CTIF: variants seen among roughly 807,000 people sequenced by gnomAD.
The protein encoded by CTIF is CBP80/20-dependent translation initiation factor.
CTIF carries 21 observed loss-of-function variants against 66.0 expected under a neutral mutation model. The ratio of observed to expected loss-of-function variants is 0.32; its 90% CI spans 0.23 to 0.46. The LOEUF (loss-of-function observed/expected upper bound fraction) is 0.46. Ranked by LOEUF, CTIF falls within the 20% of genes least tolerant of loss-of-function variation. The pLI is 1.00. For synonymous variants in CTIF, 345 were observed against 326.4 expected (o/e 1.06, Z -0.62); for missense variants, 739 against 812.7 (o/e 0.91, Z 1.10).
chr18:48,547,576 T>C (rs1262690902), intron 1 of CTIF, among the ~76,000 whole-genome samples: 1 of 152,196 alleles, frequency 6.6e-6, no homozygotes, highest in Middle Eastern at 3.2e-3. Context: ...CCTTCCCTTA[T>C]GTTATAGCTG....
intron 10 of CTIF, among the ~76,000 whole-genome samples, chr18:48,841,118 T>A (rs4939566): frequency 0.26 from 39,309 of 152,000 alleles, 5,280 homozygotes; most frequent in African/African-American, 0.32. Flanking sequence ...AAGTCTGAGG[T>A]TGGTAAAAGC....
At chr18:48,830,145 A>T (rs2146439608) in intron 10 of CTIF, among the ~76,000 whole-genome samples, 1 of 152,258 alleles carries the variant, frequency 6.6e-6, no homozygotes, top group African/African-American at 2.4e-5. Flanking sequence ...GCCCTTGGGT[A>T]GATGTGTTAA....
At chr18:48,732,720 C>T (rs1441489229) in intron 7 of CTIF, among the ~76,000 whole-genome samples, 1 of 152,240 alleles carries the variant, frequency 6.6e-6, no homozygotes, top group East Asian at 1.9e-4. Context: ...TGCCTCTCCT[C>T]CAGACAATAT....
Position 48,761,307 on chromosome 18 carries a change from G to A in CTIF, c.1072-83G>A, listed in dbSNP as rs1026241661. The stretch of plus-strand genomic sequence containing the variant: ...AGGCCTGGTCCTGCTTTCTGGGGGT[G>A]GCCACCCTCTTTCCACCAGGCCACC... On this transcript the variant is annotated intron_variant, in intron 8 of 11. Coordinates refer to ENST00000256413, the MANE Select transcript of CTIF (RefSeq NM_014772.3). This position sits in a 1 kb window ranked among gnomAD's most constrained non-coding sequence, Gnocchi z 4.2. The A allele has an allele frequency of 4.4e-6, 6 of 1,376,274 alleles. No homozygotes were observed. The African/African-American group carries it at 8.6e-5, about 20-fold the overall frequency. The allele number at this position is 1,376,274 out of a possible 1,614,324, so 85.3% of individuals were successfully genotyped here.
At chr18:48,560,225 TA>T (rs1568032242) in intron 1 of CTIF, among the ~76,000 whole-genome samples, 4 of 146,656 alleles carry the variant, frequency 2.7e-5, no homozygotes, top group Non-Finnish European at 4.5e-5. Flanking sequence ...ATTTGGAGGC[TA>T]TTTTTTTTTT....
At chr18:48,608,316 T>A (rs966280887) in intron 1 of CTIF, among the ~76,000 whole-genome samples, 1 of 152,218 alleles carries the variant, frequency 6.6e-6, no homozygotes, top group South Asian at 2.1e-4. Context: ...AAATTGTGGC[T>A]TTTTATGTGA....
At chr18:48,628,444 T>G (rs993754527) in intron 2 of CTIF, among the ~76,000 whole-genome samples, 1 of 152,112 alleles carries the variant, frequency 6.6e-6, no homozygotes, top group African/African-American at 2.4e-5. Context: ...TGTTAACTCA[T>G]TTAGTCTTGA....
At chr18:48,803,025 A>G (rs1418867492) in intron 9 of CTIF, among the ~76,000 whole-genome samples, 1 of 152,268 alleles carries the variant, frequency 6.6e-6, no homozygotes, top group Non-Finnish European at 1.5e-5. Flanking sequence ...AGTGTGAGAC[A>G]GAATTCCTGC....
chr18:48,698,747 A>G (rs892058001), intron 6 of CTIF, among the ~76,000 whole-genome samples: 1 of 152,112 alleles, frequency 6.6e-6, no homozygotes, highest in African/African-American at 2.4e-5. Flanking sequence ...TGATGCCCTA[A>G]TCTAAAGCAT....
intron 2 of CTIF, among the ~76,000 whole-genome samples, chr18:48,626,651 T>TATTG (rs2090606871): frequency 7.6e-6 from 1 of 131,104 alleles, no homozygotes; most frequent in African/African-American, 3.4e-5. Flanking sequence ...GGCCGTTTTT[T>TATTG]TTTTGTTTTT....
chr18:48,720,653 G>T (rs911499037), intron 7 of CTIF, among the ~76,000 whole-genome samples: 1 of 152,000 alleles, frequency 6.6e-6, no homozygotes, highest in Admixed American at 6.5e-5. Context: ...CCCCAAGCAG[G>T]CTCTCTCTTG....
chr18:48,836,407 G>T (rs1279254822), intron 10 of CTIF, among the ~76,000 whole-genome samples: 1 of 152,090 alleles, frequency 6.6e-6, no homozygotes, highest in Non-Finnish European at 1.5e-5. Flanking sequence ...GGACAGTGGG[G>T]TCACCACTGG....
At chr18:48,572,091 CCTCCTT>C (rs1016297775) in intron 1 of CTIF, among the ~76,000 whole-genome samples, 3 of 151,834 alleles carry the variant, frequency 2.0e-5, no homozygotes, top group Admixed American at 6.6e-5. Context: ...TCCTCCTCCT[CCTCCTT>C]CTCCTCCTTC....
chr18:48,612,993 G>C (rs1305086235), intron 1 of CTIF, among the ~76,000 whole-genome samples: 1 of 152,168 alleles, frequency 6.6e-6, no homozygotes, highest in Non-Finnish European at 1.5e-5. Context: ...GTGGGGTGCA[G>C]TGCTGCCTCT....
Position 48,812,363 on chromosome 18 carries a change from C to T in CTIF, c.1372-4858C>T, listed in dbSNP as rs116578249. ...ACTTGCTTATGTAAGATCTTTCTCT[C>T]GCTTTCACTCATAGGCAGGTTTGTT... On this transcript the variant is annotated intron_variant, in intron 9 of 11. Transcript: ENST00000256413. Among the ~76,000 whole-genome samples, 483 of 152,250 alleles carry T rather than the reference C, an allele frequency of 3.2e-3. 2 individuals are homozygous for T. Among genetic ancestry groups the T allele is most frequent in the African/African-American group, 0.011 (469 of 41,550 alleles).
At chr18:48,757,746 G>A (rs1908530029) in intron 7 of CTIF, among the ~76,000 whole-genome samples, 173 bp from the exon 8 acceptor site, 1 of 152,224 alleles carries the variant, frequency 6.6e-6, no homozygotes, top group South Asian at 2.1e-4. Context: ...GTTCTCGGCT[G>A]TATCCCCAGG....
chr18:48,787,615 C>A (rs1911830415), intron 9 of CTIF, among the ~76,000 whole-genome samples: 1 of 152,180 alleles, frequency 6.6e-6, no homozygotes, highest in Non-Finnish European at 1.5e-5. Flanking sequence ...CCTGGGTATC[C>A]TCTCATGGTT....
At chr18:48,799,874 C>T (rs57290763) in intron 9 of CTIF, among the ~76,000 whole-genome samples, 9,013 of 152,260 alleles carry the variant, frequency 0.059, 394 homozygotes, top group East Asian at 0.19. Context: ...ACTTGCAATC[C>T]GAGTGGGAGA....
At chr18:48,671,227 G>C (rs1038411874) in intron 6 of CTIF, among the ~76,000 whole-genome samples, 1 of 152,052 alleles carries the variant, frequency 6.6e-6, no homozygotes, top group Non-Finnish European at 1.5e-5. Context: ...CCTCTTTCCT[G>C]GAATCAGGCC....
Sources: allele counts gnomAD v4.1 joint callset (sites outside exome capture counted in the v4.1 genomes callset), GRCh38; gene constraint gnomAD v4.1.1; non-coding constraint Gnocchi (gnomAD v3.1); transcripts MANE v1.5; gene names NCBI Gene and HGNC (gene_info 2026-07-23, HGNC 2026-07-21).